Variants in HOXC4 observed in about 807,000 individuals in gnomAD.
HOXC4 encodes homeobox protein Hox-C4.
In HOXC4, 15 loss-of-function variants were observed where a neutral mutation model predicts 25.5. The ratio of observed to expected loss-of-function variants is 0.59; its 90% CI spans 0.39 to 0.91. The LOEUF is 0.91. HOXC4 is among the 40% of genes least tolerant of loss of function. HOXC4 has a pLI of 0.00. For synonymous variants in HOXC4, 165 were observed against 148.0 expected (o/e 1.11, Z -0.83); for missense variants, 342 against 352.4 (o/e 0.97, Z 0.24).
At chr12:54,034,098 G>A in intron 1 of HOXC4, 2 of 724,370 alleles carry the variant, frequency 2.8e-6, no homozygotes, top group Non-Finnish European at 5.1e-6. Context: ...TTCCTGCCTG[G>A]GCGGAGGCGC....
intron 1 of HOXC4, among the ~76,000 whole-genome samples, chr12:54,024,192 G>T (rs546370394): frequency 1.3e-5 from 2 of 152,280 alleles, no homozygotes; most frequent in African/African-American, 4.8e-5. Flanking sequence ...CACAAAAGGG[G>T]CCAGCGGGGC....
chr12:54,030,598 A>T (rs1476971714), intron 1 of HOXC4: 7 of 152,630 alleles, frequency 4.6e-5, no homozygotes, highest in Admixed American at 4.6e-4. Flanking sequence ...TGGTCTCTGT[A>T]TTTATATTTA....
chr12:54,019,046 T>C (rs1592219509), intron 1 of HOXC4, among the ~76,000 whole-genome samples: 1 of 152,068 alleles, frequency 6.6e-6, no homozygotes. Context: ...CGGTGAATTT[T>C]ATCTCCCCTC....
At position 54,029,991 on chromosome 12, in the gene HOXC4, C is replaced by T. The variant is rs768676417; in HGVS notation, c.-124+12577C>T. 3.4e-6 allele frequency: 5 copies of T among 1,487,914 alleles called. No homozygotes were observed. The African/African-American group carries it at 7.0e-5, about 21-fold the overall frequency. 92.2% of individuals were successfully genotyped at this position (1,487,914 alleles called of 1,614,324 possible). A position where few individuals can be genotyped will look rare whatever the true frequency, so the allele number is the denominator to read the frequency against. On this transcript the variant is annotated intron_variant, in intron 1 of 3. Transcript: ENST00000303406. Reference sequence around the variant, plus strand: ...GGACTGTCCCTGCCACCCCTCTCTCCCTTTCTCCCTCGCTCCCCACCAACT... The same window carrying T: ...GGACTGTCCCTGCCACCCCTCTCTCTCTTTCTCCCTCGCTCCCCACCAACT...
At chr12:54,037,421 C>A (rs1367388343) in intron 1 of HOXC4, among the ~76,000 whole-genome samples, 2 of 152,176 alleles carry the variant, frequency 1.3e-5, no homozygotes, top group Non-Finnish European at 2.9e-5. Flanking sequence ...GAACCCACCC[C>A]CTCTGGCAGC....
At chr12:54,036,228 TGGGAAG>T (rs1555186146) in intron 1 of HOXC4, among the ~76,000 whole-genome samples, 1 of 152,038 alleles carries the variant, frequency 6.6e-6, no homozygotes, top group Non-Finnish European at 1.5e-5. Flanking sequence ...GAAACAAATG[TGGGAAG>T]GGTCCATAAA....
intron 1 of HOXC4, chr12:54,028,468 G>A: frequency 6.4e-7 from 1 of 1,560,446 alleles, no homozygotes; most frequent in South Asian, 1.2e-5. Context: ...GTACAAACTG[G>A]AGACAGAAAT....
At position 54,026,943 on chromosome 12, in the gene HOXC4, C is replaced by A. The variant is rs534114681; in HGVS notation, c.-124+9529C>A. On this transcript the variant is annotated intron_variant, in intron 1 of 3. Transcript: ENST00000303406. ...TCTTGTTATAGCCAGCTTTCCCCCC[C>A]CCCAACCCACCCAAAAATGGTGGGG... Among the ~76,000 whole-genome samples, 514 of 140,392 alleles carry A rather than the reference C, an allele frequency of 3.7e-3. 3 individuals are homozygous for A. The highest frequency in any genetic ancestry group is 0.013 in the African/African-American group (490 of 37,092). 92.1% of individuals were successfully genotyped at this position (140,392 alleles called of 152,430 possible).
At chr12:54,023,798 C>T (rs1213079638) in intron 1 of HOXC4, among the ~76,000 whole-genome samples, 1 of 152,090 alleles carries the variant, frequency 6.6e-6, no homozygotes, top group Non-Finnish European at 1.5e-5. Context: ...GTAGCGGGGG[C>T]AGGTATGTGC....
chr12:54,046,749 C>A lies in HOXC4; in HGVS notation c.-123-6411C>A, dbSNP rs148875591. On this transcript the variant is annotated intron_variant, in intron 1 of 3. Transcript: ENST00000303406. ...GAGAAGGGGCTCCTTTTCTTCATTT[C>A]TTGTCTTCCCCTTTCTCTCCCCACC... Among the ~76,000 whole-genome samples the A allele has an allele frequency of 9.1e-3, 1,384 of 152,214 alleles. 18 individuals are homozygous for A. The highest frequency in any genetic ancestry group is 0.031 in the African/African-American group (1,306 of 41,518).
intron 1 of HOXC4, among the ~76,000 whole-genome samples, chr12:54,018,392 GC>G (rs1240041733): frequency 6.6e-6 from 1 of 152,212 alleles, no homozygotes; most frequent in Non-Finnish European, 1.5e-5. Context: ...GCGGGGACAG[GC>G]CCAGTCCTCC....
chr12:54,033,211 C>T, intron 1 of HOXC4: 1 of 1,614,180 alleles, frequency 6.2e-7, no homozygotes, highest in South Asian at 1.1e-5. Flanking sequence ...TATGGATCGG[C>T]CTCAGAGGTG....
chr12:54,030,632 A>G (rs1238546340), intron 1 of HOXC4: 1 of 152,602 alleles, frequency 6.6e-6, no homozygotes, highest in East Asian at 1.9e-4. Context: ...CAGTGTTCCT[A>G]TCCAATTTCA....
At chr12:54,035,999 C>T (rs548208757) in intron 1 of HOXC4, among the ~76,000 whole-genome samples, 90 of 152,230 alleles carry the variant, frequency 5.9e-4, no homozygotes, top group African/African-American at 2.1e-3. Flanking sequence ...TCTAGGGCCT[C>T]GGGCTATGCA....
chr12:54,050,509 G>A (rs1937820288), upstream of HOXC4, among the ~76,000 whole-genome samples: 1 of 152,194 alleles, frequency 6.6e-6, no homozygotes, highest in African/African-American at 2.4e-5. Flanking sequence ...GACAGGACCA[G>A]ATACAAGGAT....
At chr12:54,051,922 T>C (rs1937855547), upstream of HOXC4, among the ~76,000 whole-genome samples, 1 of 152,198 alleles carries the variant, frequency 6.6e-6, no homozygotes, top group Non-Finnish European at 1.5e-5. Context: ...GAGAAAAGGA[T>C]TGGAATCTCT....
chr12:54,036,668 G>C (rs755120495), intron 1 of HOXC4, among the ~76,000 whole-genome samples: 1 of 146,844 alleles, frequency 6.8e-6, no homozygotes, highest in African/African-American at 2.7e-5. Context: ...AGTTAACCCA[G>C]ACCAGTGCTC....
At chr12:54,051,040 G>T (rs889526342), upstream of HOXC4, among the ~76,000 whole-genome samples, 2 of 152,082 alleles carry the variant, frequency 1.3e-5, no homozygotes, top group Non-Finnish European at 2.9e-5. Flanking sequence ...GCGGGGGTGG[G>T]ATGTGACAGG....
chr12:54,041,949 C>A (rs190644508), intron 1 of HOXC4, among the ~76,000 whole-genome samples: 106 of 151,322 alleles, frequency 7.0e-4, no homozygotes, highest in African/African-American at 2.5e-3. Flanking sequence ...AGGTGTGAAC[C>A]ACCGCGCCCA....
Sources: allele counts gnomAD v4.1 joint callset (sites outside exome capture counted in the v4.1 genomes callset), GRCh38; gene constraint gnomAD v4.1.1; transcripts MANE v1.5; gene names NCBI Gene and HGNC (gene_info 2026-07-23, HGNC 2026-07-21).